WWTR1: variants seen among roughly 807,000 people sequenced by gnomAD.
The protein encoded by WWTR1 is WW domain containing transcription regulator 1, also known as WW domain-containing transcription regulator protein 1.
Under a neutral mutation model 40.1 loss-of-function variants are expected in WWTR1, and 13 were observed. That is an observed-to-expected ratio of 0.32 (90% CI 0.21 to 0.52). The LOEUF (loss-of-function observed/expected upper bound fraction) is 0.52. Among genes scored for constraint, WWTR1 ranks in the 20% least tolerant of loss-of-function variants. WWTR1 has a pLI of 0.97. For missense variants in WWTR1, 436 were observed against 523.1 expected, an observed-to-expected ratio of 0.83 and a Z score of 1.63; for synonymous variants, 230 against 210.1, an observed-to-expected ratio of 1.09 and a Z score of -0.82.
At chr3:149,709,797 G>A (rs1225392864) in intron 5 of WWTR1, among the ~76,000 whole-genome samples, 4 of 152,108 alleles carry the variant, frequency 2.6e-5, no homozygotes, top group South Asian at 2.1e-4. Context: ...CCAGCTACTC[G>A]AGAGGCTGAG....
chr3:149,708,052 T>C (rs1298724368), upstream of WWTR1, among the ~76,000 whole-genome samples: 3 of 152,176 alleles, frequency 2.0e-5, no homozygotes, highest in Non-Finnish European at 4.4e-5. Flanking sequence ...GCTACTGCTT[T>C]GTCTTCCTAG....
At chr3:149,534,619 T>C (rs1735739598) in intron 4 of WWTR1, among the ~76,000 whole-genome samples, 1 of 152,152 alleles carries the variant, frequency 6.6e-6, no homozygotes, top group Admixed American at 6.6e-5. Flanking sequence ...TCAAGCAAAG[T>C]TACAAGTTCC....
chr3:149,612,682 A>T (rs143343109), intron 2 of WWTR1, among the ~76,000 whole-genome samples: 1 of 152,350 alleles, frequency 6.6e-6, no homozygotes, highest in Non-Finnish European at 1.5e-5. Flanking sequence ...CACCAGCAGG[A>T]TATTCAATGT....
At chr3:149,567,872 T>C (rs1296480290) in intron 3 of WWTR1, among the ~76,000 whole-genome samples, 1 of 152,034 alleles carries the variant, frequency 6.6e-6, no homozygotes, top group Non-Finnish European at 1.5e-5. Flanking sequence ...TCCAAAACAG[T>C]CCCCACCCTC....
intron 4 of WWTR1, among the ~76,000 whole-genome samples, chr3:149,540,612 C>A (rs938471683): frequency 1.3e-4 from 20 of 152,094 alleles, no homozygotes; most frequent in Admixed American, 4.6e-4. Flanking sequence ...AATTATTATT[C>A]AAAGACAGAA....
At chr3:149,662,545 A>G (rs963628562), upstream of WWTR1, among the ~76,000 whole-genome samples, 1 of 152,100 alleles carries the variant, frequency 6.6e-6, no homozygotes, top group Non-Finnish European at 1.5e-5. Context: ...TCTTTCTTCT[A>G]GTGTCCCCCA....
intron 2 of WWTR1, among the ~76,000 whole-genome samples, chr3:149,588,996 T>C (rs1157768863): frequency 2.0e-5 from 3 of 152,066 alleles, no homozygotes; most frequent in African/African-American, 7.2e-5. Flanking sequence ...TCAAGGGAAG[T>C]TCTATAATTA....
At chr3:149,620,106 G>T (rs980520966) in intron 2 of WWTR1, among the ~76,000 whole-genome samples, 9 of 152,184 alleles carry the variant, frequency 5.9e-5, no homozygotes, top group African/African-American at 2.2e-4. Context: ...AGCTTTGTTG[G>T]GTAGGTGTTT....
chr3:149,685,080 A>G (rs1559840807), intron 1 of WWTR1, among the ~76,000 whole-genome samples: 2 of 152,156 alleles, frequency 1.3e-5, no homozygotes, highest in Non-Finnish European at 1.5e-5. Context: ...CCATCAATTT[A>G]CTGTTTCGCT....
intron 3 of WWTR1, among the ~76,000 whole-genome samples, chr3:149,546,243 A>T (rs1431472994): frequency 1.3e-5 from 2 of 152,256 alleles, no homozygotes; most frequent in Non-Finnish European, 2.9e-5. Flanking sequence ...AAAGGGTGGA[A>T]CTTAGATGAT....
intron 4 of WWTR1, 83 bp downstream of exon 4, chr3:149,542,252 A>G: frequency 6.8e-7 from 1 of 1,466,136 alleles, no homozygotes; most frequent in Non-Finnish European, 9.3e-7. Flanking sequence ...TAGAAGAATT[A>G]CCCTGAAGGT....
chr3:149,706,726 T>C (rs913152677), upstream of WWTR1, among the ~76,000 whole-genome samples: 6 of 152,220 alleles, frequency 3.9e-5, no homozygotes, highest in Admixed American at 2.6e-4. Context: ...ATCATCTTAA[T>C]ATTATTATAA....
At chr3:149,697,034 G>C (rs1350295040) in intron 1 of WWTR1, among the ~76,000 whole-genome samples, 1 of 152,172 alleles carries the variant, frequency 6.6e-6, no homozygotes, top group Non-Finnish European at 1.5e-5. Context: ...TTTCCTCAGT[G>C]CTACAAGTTG....
intron 2 of WWTR1, among the ~76,000 whole-genome samples, chr3:149,631,988 C>T (rs1711565665): frequency 6.6e-6 from 1 of 152,140 alleles, no homozygotes; most frequent in Admixed American, 6.5e-5. Flanking sequence ...CGGCTCACTG[C>T]AGCCTCAACT....
At chr3:149,661,825 C>T (rs1163372018), upstream of WWTR1, among the ~76,000 whole-genome samples, 5 of 151,638 alleles carry the variant, frequency 3.3e-5, no homozygotes, top group Non-Finnish European at 5.9e-5. Flanking sequence ...CTCCACCTCC[C>T]GGGTTCAAGC....
chr3:149,724,417 T>G (rs1250794311), intron 3 of WWTR1, among the ~76,000 whole-genome samples: 3 of 151,988 alleles, frequency 2.0e-5, no homozygotes, highest in Non-Finnish European at 4.4e-5. Context: ...CCCCCTAATA[T>G]TTGACTAAAT....
intron 6 of WWTR1, among the ~76,000 whole-genome samples, chr3:149,523,732 G>A (rs1018491812): frequency 2.0e-5 from 3 of 152,176 alleles, no homozygotes; most frequent in Admixed American, 6.5e-5. Flanking sequence ...TGGCCAGCGC[G>A]TGGTCCACAG....
At chr3:149,577,009 T>C (rs902076047) in intron 2 of WWTR1, among the ~76,000 whole-genome samples, 17 of 152,118 alleles carry the variant, frequency 1.1e-4, no homozygotes, top group African/African-American at 3.9e-4. Context: ...AATACAAAAT[T>C]AGCCGGCTGT....
chr3:149,635,472 C>T (rs755156170), intron 2 of WWTR1, among the ~76,000 whole-genome samples: 2 of 145,216 alleles, frequency 1.4e-5, no homozygotes, highest in African/African-American at 2.6e-5. Flanking sequence ...TGGGTAAAAA[C>T]GAAGTTAAGG....
Sources: gnomAD v4.1 joint callset for allele counts (sites outside exome capture counted in the v4.1 genomes callset) on GRCh38, gnomAD v4.1.1 for gene constraint, MANE v1.5 for transcripts, NCBI Gene and HGNC (gene_info 2026-07-23, HGNC 2026-07-21) for gene names.